The following ATP11C variants were observed in gnomAD, a reference collection of about 807,000 sequenced individuals.
ATP11C encodes the protein ATPase phospholipid transporting 11C (ATP11C blood group).
Under a neutral mutation model 97.4 loss-of-function variants are expected in ATP11C, and 36 were observed. The observed-to-expected ratio is 0.37, with a 90% CI of 0.28 to 0.49. The LOEUF is 0.49. Ranked by LOEUF, ATP11C falls within the 20% of genes least tolerant of loss-of-function variation. The pLI is 0.98. For missense variants in ATP11C, 730 were observed against 824.6 expected (o/e 0.89, Z 1.40); for synonymous variants, 275 against 290.9 (o/e 0.95, Z 0.56).
chrX:139,746,491 A>G (rs1328970774), intron 24 of ATP11C, among the ~76,000 whole-genome samples: 1 of 112,138 alleles, frequency 8.9e-6, no homozygotes, highest in Non-Finnish European at 1.9e-5. Context: ...ACAATCCTGG[A>G]TTGACTTGAC....
intron 1 of ATP11C, among the ~76,000 whole-genome samples, chrX:139,876,426 A>G (rs1239769613): frequency 1.8e-5 from 2 of 111,850 alleles, no homozygotes; most frequent in Non-Finnish European, 3.8e-5. Context: ...TCCCAATACA[A>G]CAATTTTTTT....
In ATP11C at chrX:139,819,247, T is replaced by C. The variant is rs150627262; in HGVS notation, c.237+91A>G. On this transcript the variant is annotated intron_variant, in intron 3 of 29. Transcript: ENST00000682941. Reference sequence around the variant, plus strand: ...AAGCTCTGGAATGTCTTTTTTTAATTACATGGCATTTTAAGGTTAGAAATA... The same window carrying C: ...AAGCTCTGGAATGTCTTTTTTTAATCACATGGCATTTTAAGGTTAGAAATA... 539 of 345,452 alleles carry C rather than the reference T, an allele frequency of 1.6e-3. 2 individuals are homozygous for C. The highest frequency in any genetic ancestry group is 0.013 in the African/African-American group (482 of 38,315). The allele number at this position is 345,452 out of a possible 1,213,427, so 28.5% of individuals were successfully genotyped here.
At chrX:139,746,689 T>C (rs1275997886) in intron 24 of ATP11C, among the ~76,000 whole-genome samples, 2 of 111,801 alleles carry the variant, frequency 1.8e-5, no homozygotes, top group East Asian at 2.8e-4. Context: ...GGGAGGTGGA[T>C]AGATTAAGTT....
At chrX:139,778,995 G>C (rs1261321094) in intron 18 of ATP11C, among the ~76,000 whole-genome samples, 2 of 111,771 alleles carry the variant, frequency 1.8e-5, no homozygotes, top group East Asian at 5.6e-4. Context: ...AAAAGACAAA[G>C]CGGGAATTAC....
chrX:139,816,817 C>A, intron 4 of ATP11C, 46 bp downstream of exon 4: 1 of 921,542 alleles, frequency 1.1e-6, no homozygotes, highest in Non-Finnish European at 1.6e-6. Flanking sequence ...GAAATTCCAA[C>A]AAGCCTGGAC....
chrX:139,806,272 A>T (rs2083040425), intron 5 of ATP11C, among the ~76,000 whole-genome samples: 1 of 111,890 alleles, frequency 8.9e-6, no homozygotes, highest in African/African-American at 3.3e-5. Context: ...ACTTTTAAAG[A>T]CAGGGAATAA....
chrX:139,793,696 T>C (rs955396282), intron 12 of ATP11C, among the ~76,000 whole-genome samples: 1 of 111,517 alleles, frequency 9.0e-6, no homozygotes, highest in African/African-American at 3.3e-5. Context: ...GATTAAAAAA[T>C]AAAGCTCAAT....
chrX:139,851,193 T>C (rs2083984274), intron 1 of ATP11C, among the ~76,000 whole-genome samples: 1 of 111,568 alleles, frequency 9.0e-6, no homozygotes, highest in Non-Finnish European at 1.9e-5. Context: ...CTCCACAGGC[T>C]ATCTGCCCAG....
intron 1 of ATP11C, among the ~76,000 whole-genome samples, chrX:139,892,907 G>A (rs1322409752): frequency 8.9e-6 from 1 of 111,947 alleles, no homozygotes; most frequent in Non-Finnish European, 1.9e-5. Context: ...CAACATCAGA[G>A]AGTATGAGGC....
At chrX:139,737,643 T>C (rs1480906838) in intron 28 of ATP11C, 2 of 217,186 alleles carry the variant, frequency 9.2e-6, no homozygotes, top group African/African-American at 5.9e-5. Context: ...AAATAATTTT[T>C]TCCTTTTAAA....
At chrX:139,792,187 T>G (rs2082703899) in intron 12 of ATP11C, among the ~76,000 whole-genome samples, 1 of 110,414 alleles carries the variant, frequency 9.1e-6, no homozygotes, top group African/African-American at 3.3e-5. Flanking sequence ...ATAATGAAGC[T>G]TCCATAAACT....
intron 1 of ATP11C, among the ~76,000 whole-genome samples, chrX:139,893,275 G>A (rs546548524): frequency 3.6e-5 from 4 of 111,238 alleles, no homozygotes; most frequent in African/African-American, 1.3e-4. Context: ...GGCCAGGCTG[G>A]TCTCGAACTC....
chrX:139,804,402 G>A, intron 6 of ATP11C, 69 bp downstream of exon 6: 1 of 827,020 alleles, frequency 1.2e-6, no homozygotes, highest in African/African-American at 2.1e-5. Flanking sequence ...ATTAGAGGGT[G>A]ATGGGAGGCA....
At chrX:139,926,002 A>G (rs1281445385) in intron 1 of ATP11C, among the ~76,000 whole-genome samples, 5 of 112,295 alleles carry the variant, frequency 4.5e-5, no homozygotes, top group East Asian at 5.6e-4. Context: ...TCCTGTGCCC[A>G]TATCTGCAGT....
chrX:139,769,686 T>C (rs2082216195), intron 19 of ATP11C, among the ~76,000 whole-genome samples: 1 of 111,400 alleles, frequency 9.0e-6, no homozygotes, highest in Non-Finnish European at 1.9e-5. Flanking sequence ...CCGGGGAATC[T>C]TGGGTGCCAT....
chrX:139,826,605 T>A, intron 2 of ATP11C, 99 bp downstream of exon 2: 1 of 689,677 alleles, frequency 1.4e-6, no homozygotes, highest in Non-Finnish European at 2.2e-6. Context: ...CAAATACATG[T>A]ACACATACAT....
intron 1 of ATP11C, among the ~76,000 whole-genome samples, chrX:139,893,077 G>A (rs140303637): frequency 7.2e-4 from 81 of 112,078 alleles, no homozygotes; most frequent in African/African-American, 2.4e-3. Flanking sequence ...AATGTTTGTC[G>A]CCCAGGCTGG....
At chrX:139,931,990 C>T in intron 1 of ATP11C, 26 bp downstream of exon 1, 1 of 1,155,394 alleles carries the variant, frequency 8.7e-7, no homozygotes, top group Non-Finnish European at 1.2e-6. Flanking sequence ...AACCGGCACG[C>T]GCGGAGCCGC....
chrX:139,737,830 G>A (rs373706463), intron 28 of ATP11C, 86 bp downstream of exon 28: 48 of 941,424 alleles, frequency 5.1e-5, no homozygotes, highest in Non-Finnish European at 6.9e-5. Flanking sequence ...TGTAACTAAT[G>A]TAATTTTCTA....
Sources: allele counts gnomAD v4.1 joint callset (sites outside exome capture counted in the v4.1 genomes callset), GRCh38; gene constraint gnomAD v4.1.1; transcripts MANE v1.5; gene names NCBI Gene and HGNC (gene_info 2026-07-23, HGNC 2026-07-21).